Variants in ENTPD1 observed in about 807,000 individuals in gnomAD.
The protein encoded by ENTPD1 is ATP diphosphohydrolase.
Under a neutral mutation model 57.0 loss-of-function variants are expected in ENTPD1, and 33 were observed. That is an observed-to-expected ratio of 0.58 (90% CI 0.44 to 0.77). The LOEUF (loss-of-function observed/expected upper bound fraction) is 0.77, where lower values mean the gene tolerates loss of function less well. Ranked by LOEUF, ENTPD1 falls within the 30% of genes least tolerant of loss-of-function variation. The probability of loss-of-function intolerance (pLI) is 0.00; values close to 1 mark genes in which losing one functional copy is unlikely to be tolerated. For synonymous variants in ENTPD1, 202 were observed against 218.8 expected, an observed-to-expected ratio of 0.92 and a Z score of 0.68; for missense variants, 501 against 603.4, an observed-to-expected ratio of 0.83 and a Z score of 1.78.
intron 1 of ENTPD1, among the ~76,000 whole-genome samples, chr10:95,794,726 T>C (rs2098219240): frequency 6.6e-6 from 1 of 152,176 alleles, no homozygotes; most frequent in Admixed American, 6.6e-5. Flanking sequence ...GGTAGGGTTT[T>C]CTGAGGCATC....
intron 3 of ENTPD1, among the ~76,000 whole-genome samples, chr10:95,841,613 A>G (rs11188502): frequency 0.048 from 7,364 of 152,300 alleles, 238 homozygotes; most frequent in South Asian, 0.084. Context: ...TTATTTGAAT[A>G]ATTATCCTTA....
chr10:95,802,280 T>C (rs941099939), intron 1 of ENTPD1, among the ~76,000 whole-genome samples: 3 of 152,186 alleles, frequency 2.0e-5, no homozygotes, highest in African/African-American at 7.2e-5. Flanking sequence ...AAAAGGAATG[T>C]TCAGGTTAAA....
chr10:95,740,130 A>G (rs923776011), intron 1 of ENTPD1, among the ~76,000 whole-genome samples: 2 of 152,194 alleles, frequency 1.3e-5, no homozygotes, highest in Admixed American at 1.3e-4. Flanking sequence ...TAGCTTTAAC[A>G]TAATCCTTTT....
chr10:95,731,524 G>A (rs761338552), intron 1 of ENTPD1, among the ~76,000 whole-genome samples: 6 of 151,976 alleles, frequency 3.9e-5, no homozygotes, highest in Non-Finnish European at 7.4e-5. Context: ...ATAGAAACAC[G>A]CTTAGCCCAT....
intron 2 of ENTPD1, among the ~76,000 whole-genome samples, chr10:95,824,998 T>C (rs58169787): frequency 0.073 from 11,143 of 152,328 alleles, 451 homozygotes; most frequent in African/African-American, 0.097. Context: ...TTTAGTAAGA[T>C]TCCTGGCATA....
intron 3 of ENTPD1, 52 bp from the exon 4 acceptor site, chr10:95,842,292 A>T: frequency 6.7e-7 from 1 of 1,495,406 alleles, no homozygotes; most frequent in South Asian, 1.1e-5. Flanking sequence ...TTGTCAAGGT[A>T]TGTTTTATAA....
In ENTPD1 at chr10:95,869,164, T is replaced by C; in HGVS notation, c.*2781T>C. The C allele has an allele frequency of 1.0e-6, 1 of 985,264 alleles. No homozygotes were observed. Among genetic ancestry groups the C allele is most frequent in the Non-Finnish European group, 1.2e-6 (1 of 829,878 alleles). 61.0% of individuals were successfully genotyped at this position (985,264 alleles called of 1,614,324 possible). ...ACCCTGTTCCTTTATGAGGAACCTT[T>C]TAAAGATTCCTTTATAAGGTGGGAG... On this transcript the variant is annotated 3_prime_UTR_variant, in exon 10 of 10. Coordinates refer to ENST00000371205, the MANE Select transcript of ENTPD1 (RefSeq NM_001776.6).
chr10:95,740,707 G>C (rs1455556624), intron 1 of ENTPD1, among the ~76,000 whole-genome samples: 2 of 152,116 alleles, frequency 1.3e-5, no homozygotes, highest in Non-Finnish European at 2.9e-5. Flanking sequence ...TTTCATCAAT[G>C]ATCTTAGCAT....
chr10:95,766,341 T>A (rs12770313), intron 1 of ENTPD1, among the ~76,000 whole-genome samples: 13,184 of 152,264 alleles, frequency 0.087, 699 homozygotes, highest in Middle Eastern at 0.16. Flanking sequence ...TTGTAGTCCA[T>A]AATCAAATTT....
In ENTPD1 at chr10:95,847,563, T is replaced by C. The variant is rs1339103744; in HGVS notation, c.931T>C (p.Phe311Leu). The C allele has an allele frequency of 2.5e-6, 4 of 1,614,184 alleles. No homozygotes were observed. The highest frequency in any genetic ancestry group is 3.4e-6 in the Non-Finnish European group (4 of 1,180,024). ...CAAGAGATTTGAGATGACTCTTCCA[T>C]TCCAGCAGTTTGAAATCCAGGGTAT... ...CTKRFEMTLP[F>L]QQFEIQGIGN... is the part of the protein sequence containing the mutation. The change falls in exon 7 of 10, where the codon TTC becomes CTC. Residue 311 changes from phenylalanine (F) to leucine (L), a missense_variant. By Grantham distance (22) the Phe-to-Leu change is conservative. Coordinates refer to ENST00000371205, the MANE Select transcript of ENTPD1 (RefSeq NM_001776.6).
At chr10:95,726,919 T>G (rs2097984298) in intron 1 of ENTPD1, among the ~76,000 whole-genome samples, 1 of 152,128 alleles carries the variant, frequency 6.6e-6, no homozygotes, top group African/African-American at 2.4e-5. Context: ...CCCAGAGAAG[T>G]GGCACCACCT....
chr10:95,764,779 A>G (rs866944337), intron 1 of ENTPD1, among the ~76,000 whole-genome samples: 13 of 124,148 alleles, frequency 1.0e-4, no homozygotes, highest in Non-Finnish European at 1.7e-4. Context: ...CTGGAGTGTG[A>G]TGGCGTGATT....
intron 1 of ENTPD1, among the ~76,000 whole-genome samples, chr10:95,815,476 C>G (rs1157170776): frequency 2.0e-5 from 3 of 152,224 alleles, no homozygotes; most frequent in Non-Finnish European, 1.5e-5. Context: ...GACAACCCTT[C>G]CAGCCAAATC....
At chr10:95,844,403 G>A in intron 4 of ENTPD1, 73 bp from the exon 5 acceptor site, 1 of 1,596,232 alleles carries the variant, frequency 6.3e-7, no homozygotes, top group Non-Finnish European at 8.6e-7. Flanking sequence ...CTGTGTGGAT[G>A]CTGTAGCTGA....
intron 7 of ENTPD1, among the ~76,000 whole-genome samples, chr10:95,856,651 C>CAT (rs66753059): frequency 0.42 from 59,019 of 141,996 alleles, 12,873 homozygotes; most frequent in Admixed American, 0.51. Context: ...TATATGTATG[C>CAT]ATATATATAT....
At chr10:95,761,432 A>T (rs1024377269) in intron 1 of ENTPD1, among the ~76,000 whole-genome samples, 6 of 152,108 alleles carry the variant, frequency 3.9e-5, no homozygotes, top group Non-Finnish European at 7.4e-5. Flanking sequence ...CACAGACCAC[A>T]CTTTGACTGG....
At chr10:95,730,998 A>G (rs1398770604) in intron 1 of ENTPD1, among the ~76,000 whole-genome samples, 1 of 152,246 alleles carries the variant, frequency 6.6e-6, no homozygotes, top group African/African-American at 2.4e-5. Context: ...CAGCACCAGA[A>G]CTAGAATTCA....
At chr10:95,703,713 C>T in the ENTPD1 span, among the ~76,000 whole-genome samples, 2 of 138,344 alleles carry the variant, frequency 1.4e-5, no homozygotes, top group Non-Finnish European at 3.0e-5. Flanking sequence ...ACCCAGGAGG[C>T]AGAGATTGCA....
upstream of ENTPD1, among the ~76,000 whole-genome samples, chr10:95,707,724 C>G (rs1458168622): frequency 6.6e-6 from 1 of 152,178 alleles, no homozygotes; most frequent in African/African-American, 2.4e-5. Context: ...CGTGCTTCAG[C>G]CTCCTGAGTA....
Sources: gnomAD v4.1 joint callset for allele counts (sites outside exome capture counted in the v4.1 genomes callset) on GRCh38, gnomAD v4.1.1 for gene constraint, MANE v1.5 for transcripts, NCBI Gene and HGNC (gene_info 2026-07-23, HGNC 2026-07-21) for gene names.